The following GRIK3 variants were observed in gnomAD, a reference collection of about 807,000 sequenced individuals.
GRIK3 encodes glutamate ionotropic receptor kainate type subunit 3.
GRIK3 carries 29 observed loss-of-function variants against 102.5 expected under a neutral mutation model. The observed-to-expected ratio is 0.28, with a 90% confidence interval of 0.21 to 0.39. The LOEUF (loss-of-function observed/expected upper bound fraction) is 0.39, where lower values mean the gene tolerates loss of function less well. GRIK3 is among the 10% of genes least tolerant of loss of function. The probability of loss-of-function intolerance (pLI) is 1.00; values close to 1 mark genes in which losing one functional copy is unlikely to be tolerated. For synonymous variants in GRIK3, 511 were observed against 504.9 expected (o/e 1.01, Z -0.16); for missense variants, 908 against 1,252.4 (o/e 0.73, Z 4.15).
chr1:36,853,608 C>G lies in GRIK3; in HGVS notation c.1212+7G>C. ...CCGCCTGCCCTCCCTCTCCTGAGAC[C>G]ACGCACCTTCTCCAGGCCATCCTCT... is the stretch of plus-strand genomic sequence containing the variant. On this transcript the variant is annotated splice_region_variant and intron_variant, in intron 8 of 15. Coordinates refer to ENST00000373091, the MANE Select transcript of GRIK3 (RefSeq NM_000831.4). 1 of 1,588,942 alleles carries G rather than the reference C, an allele frequency of 6.3e-7. No homozygotes were observed.
At chr1:36,856,823 A>G (rs1479575257) in intron 7 of GRIK3, among the ~76,000 whole-genome samples, 2 of 152,104 alleles carry the variant, frequency 1.3e-5, no homozygotes, top group African/African-American at 2.4e-5. Flanking sequence ...CAAAATTTCC[A>G]AGGGTTGAGG....
intron 1 of GRIK3, among the ~76,000 whole-genome samples, chr1:36,943,237 G>C (rs543805836): frequency 3.3e-5 from 5 of 151,914 alleles, no homozygotes; most frequent in African/African-American, 4.8e-5. Flanking sequence ...GGGTTGGGGG[G>C]GCTGGGGCAG....
chr1:36,855,542 C>T (rs1640642161), intron 7 of GRIK3, among the ~76,000 whole-genome samples: 1 of 152,208 alleles, frequency 6.6e-6, no homozygotes. Flanking sequence ...GCTATAAAAC[C>T]AAAGTGGTTA....
At chr1:37,022,440 C>T (rs1642724979) in intron 1 of GRIK3, among the ~76,000 whole-genome samples, 1 of 152,166 alleles carries the variant, frequency 6.6e-6, no homozygotes, top group African/African-American at 2.4e-5. Flanking sequence ...TTTAAGAAGA[C>T]AGTTTGTCTC....
intron 1 of GRIK3, among the ~76,000 whole-genome samples, chr1:36,983,402 C>T (rs550455109): frequency 3.3e-4 from 51 of 152,290 alleles, no homozygotes; most frequent in Non-Finnish European, 5.4e-4. Context: ...CACATGCATG[C>T]ATACCCCTTC....
In GRIK3 at chr1:36,986,126, A is replaced by ACTCT. The variant is rs567022376; in HGVS notation, c.115+47864_115+47867dup. ...CCCTCTCCCTGCCCCCGGGACCCAGACTCTCTATCTCCTCCTCTCTGAGCT... is the reference window on the plus strand; with the variant it reads ...CCCTCTCCCTGCCCCCGGGACCCAGACTCTCTCTCTATCTCCTCCTCTCTGAGCT... On this transcript the variant is annotated intron_variant, in intron 1 of 15. Coordinates refer to ENST00000373091, the MANE Select transcript of GRIK3 (RefSeq NM_000831.4). 3.8e-4 allele frequency among the ~76,000 whole-genome samples: 57 copies of ACTCT among 151,960 alleles called. No individual in the cohort carries two copies. The South Asian group carries it at 0.012, about 31-fold the overall frequency.
rs567734904 is a variant in GRIK3, at chr1:36,989,182, C to T, written c.115+44812G>A. Among the ~76,000 whole-genome samples, 21 of 152,286 alleles carry T rather than the reference C, an allele frequency of 1.4e-4. 1 individual carries two copies. The highest frequency in any genetic ancestry group is 4.1e-4 in the South Asian group (2 of 4,820). Reference sequence around the variant, plus strand: ...CTCCATGGTCCCGCAACCAAGTACACGCATCCTCTCTCCACACACACACGC... The same window carrying T: ...CTCCATGGTCCCGCAACCAAGTACATGCATCCTCTCTCCACACACACACGC... On this transcript the variant is annotated intron_variant, in intron 1 of 15. Transcript: ENST00000373091.
chr1:36,928,709 A>G (rs965365535), intron 1 of GRIK3, among the ~76,000 whole-genome samples: 1 of 152,214 alleles, frequency 6.6e-6, no homozygotes, highest in Non-Finnish European at 1.5e-5. Flanking sequence ...TCAGCGTGGC[A>G]AAAGAAAAAA....
intron 7 of GRIK3, among the ~76,000 whole-genome samples, chr1:36,855,342 C>G (rs1640638914): frequency 6.6e-6 from 1 of 152,232 alleles, no homozygotes; most frequent in African/African-American, 2.4e-5. Flanking sequence ...CATGCATACA[C>G]TCACAGTTCA....
intron 1 of GRIK3, among the ~76,000 whole-genome samples, chr1:36,899,507 A>G (rs1641209511): frequency 6.6e-6 from 1 of 152,152 alleles, no homozygotes; most frequent in Admixed American, 6.5e-5. Flanking sequence ...GGAGGTTTCC[A>G]GGGCCTAGAG....
chr1:36,989,412 G>C (rs776735799), intron 1 of GRIK3, among the ~76,000 whole-genome samples: 8 of 152,194 alleles, frequency 5.3e-5, no homozygotes, highest in Non-Finnish European at 1.2e-4. Context: ...TCTGTGCTGG[G>C]GAGGAGTTGC....
intron 1 of GRIK3, among the ~76,000 whole-genome samples, chr1:36,907,459 G>C (rs1178677732): frequency 6.6e-6 from 1 of 152,124 alleles, no homozygotes; most frequent in African/African-American, 2.4e-5. Flanking sequence ...TTCCTTCCAG[G>C]AGGCCCATCG....
rs372691041 is a variant in GRIK3 at position 36,841,781 on chromosome 1, A to T, written c.1485T>A (p.Asp495Glu). ...CCATGCCGTTCCACTGGCCCTTGTC[A>T]TCCTGTGCCCCGTACTTGCCGTCCT... Reference protein sequence around the residue: ...LVEDGKYGAQDDKGQWNGMVK... With the variant: ...LVEDGKYGAQEDKGQWNGMVK... Residue 495 changes from aspartate to glutamate, a missense_variant, in exon 10 of 16, where the codon GAT (aspartate) becomes GAA (glutamate). Physicochemically the swap from Asp to Glu is conservative, Grantham distance 45. Transcript: ENST00000373091. 1 of 1,614,132 alleles carries T rather than the reference A, an allele frequency of 6.2e-7. No individual in the cohort carries two copies. The highest frequency in any genetic ancestry group is 1.3e-5 in the African/African-American group (1 of 75,040).
chr1:36,974,121 C>T (rs999113252), intron 1 of GRIK3, among the ~76,000 whole-genome samples: 2 of 152,164 alleles, frequency 1.3e-5, no homozygotes, highest in African/African-American at 4.8e-5. Context: ...TGGCTTTTAT[C>T]CCTTCCCTGC....
chr1:36,843,831 G>A (rs908121367), intron 9 of GRIK3, among the ~76,000 whole-genome samples: 1 of 152,204 alleles, frequency 6.6e-6, no homozygotes, highest in Non-Finnish European at 1.5e-5. Flanking sequence ...TGTGACCATG[G>A]TTAGCTGACA....
In GRIK3 at chr1:37,034,132, C is replaced by G; in HGVS notation, c.-24G>C. On this transcript the variant is annotated 5_prime_UTR_variant, in exon 1 of 16. Transcript: ENST00000373091. ...ATCGTTGGGCGCCGCCGAGCGTGCCCGGGGCGCGGCCGTGGCGGGCTCCCT... is the reference window on the plus strand; with the variant it reads ...ATCGTTGGGCGCCGCCGAGCGTGCCGGGGGCGCGGCCGTGGCGGGCTCCCT... 1 of 1,343,496 alleles carries G rather than the reference C, an allele frequency of 7.4e-7. No individual in the cohort carries two copies. Among genetic ancestry groups the G allele is most frequent in the Non-Finnish European group, 1.0e-6 (1 of 976,954 alleles). 83.2% of individuals were successfully genotyped at this position (1,343,496 alleles called of 1,614,324 possible).
chr1:36,910,019 T>C (rs1641328184), intron 1 of GRIK3, among the ~76,000 whole-genome samples: 1 of 152,198 alleles, frequency 6.6e-6, no homozygotes, highest in African/African-American at 2.4e-5. Context: ...GCTCCTTGCT[T>C]AAGCTTGGCC....
At chr1:36,946,350 C>T (rs948824616) in intron 1 of GRIK3, among the ~76,000 whole-genome samples, 2 of 152,240 alleles carry the variant, frequency 1.3e-5, no homozygotes. Context: ...GGGTTCCTGG[C>T]TCCAGCAGGA....
At chr1:37,014,021 G>A (rs1022555621) in intron 1 of GRIK3, among the ~76,000 whole-genome samples, 3 of 152,148 alleles carry the variant, frequency 2.0e-5, no homozygotes, top group Non-Finnish European at 2.9e-5. Flanking sequence ...GGCCTCATAC[G>A]CTCTGTTCCC....
Sources: allele counts gnomAD v4.1 joint callset (sites outside exome capture counted in the v4.1 genomes callset), GRCh38; gene constraint gnomAD v4.1.1; transcripts MANE v1.5; gene names NCBI Gene and HGNC (gene_info 2026-07-23, HGNC 2026-07-21).